The following CNTLN variants were observed in gnomAD, a reference collection of about 807,000 sequenced individuals.
CNTLN encodes centlein, centrosomal protein.
Under a neutral mutation model 180.0 loss-of-function variants are expected in CNTLN, and 212 were observed. The ratio of observed to expected loss-of-function variants is 1.18; its 90% confidence interval spans 1.05 to 1.32. The LOEUF is 1.32. CNTLN is among the 40% of genes most tolerant of loss of function. The probability of loss-of-function intolerance (pLI) is 0.00; values close to 1 mark genes in which losing one functional copy is unlikely to be tolerated. For missense variants in CNTLN, 2,095 were observed against 1,610.9 expected (o/e 1.30, Z -5.14); for synonymous variants, 722 against 563.1 (o/e 1.28, Z -3.99).
intron 5 of CNTLN, among the ~76,000 whole-genome samples, chr9:17,267,486 T>G (rs1190060748): frequency 6.6e-6 from 1 of 152,130 alleles, no homozygotes; most frequent in Non-Finnish European, 1.5e-5. Flanking sequence ...TTCCTTCATT[T>G]CAACTTTGGT....
chr9:17,260,567 A>G (rs1163018708), intron 5 of CNTLN, among the ~76,000 whole-genome samples: 3 of 151,218 alleles, frequency 2.0e-5, no homozygotes, highest in African/African-American at 7.4e-5. Context: ...TTAAACCTGG[A>G]TGTTAGAACC....
chr9:17,346,701 GA>G (rs2133252306), intron 12 of CNTLN, among the ~76,000 whole-genome samples: 1 of 152,160 alleles, frequency 6.6e-6, no homozygotes, highest in African/African-American at 2.4e-5. Flanking sequence ...TCTTGGCATG[GA>G]TTTGTTTGGG....
chr9:17,487,304 A>G, intron 25 of CNTLN: 1 of 467,666 alleles, frequency 2.1e-6, no homozygotes, highest in Non-Finnish European at 3.8e-6. Context: ...CATTAATTAA[A>G]TTATTGAGTC....
intron 23 of CNTLN, among the ~76,000 whole-genome samples, chr9:17,477,549 T>A (rs1479919903): frequency 6.6e-6 from 1 of 152,158 alleles, no homozygotes; most frequent in Non-Finnish European, 1.5e-5. Context: ...TTTGGAGAAG[T>A]TTGTTCCAAC....
At chr9:17,159,264 A>G (rs1244484947) in intron 2 of CNTLN, among the ~76,000 whole-genome samples, 3 of 152,206 alleles carry the variant, frequency 2.0e-5, no homozygotes, top group Non-Finnish European at 4.4e-5. Context: ...TGTGTTGCAA[A>G]TAAAGTCAGT....
At chr9:17,354,422 G>A (rs1318084168) in intron 12 of CNTLN, among the ~76,000 whole-genome samples, 3 of 152,126 alleles carry the variant, frequency 2.0e-5, no homozygotes, top group African/African-American at 7.2e-5. Context: ...GGCCTTGGAG[G>A]ACCTTTATGT....
At chr9:17,175,607 A>C (rs575555044) in intron 2 of CNTLN, among the ~76,000 whole-genome samples, 1 of 152,050 alleles carries the variant, frequency 6.6e-6, no homozygotes, top group Admixed American at 6.5e-5. Context: ...TCCTTTTCAA[A>C]ATTGTTTTAG....
intron 10 of CNTLN, among the ~76,000 whole-genome samples, chr9:17,333,029 T>C (rs1198385992): frequency 6.6e-6 from 1 of 152,142 alleles, no homozygotes; most frequent in East Asian, 1.9e-4. Flanking sequence ...AATAGAATTG[T>C]AGCAAGTGAA....
chr9:17,283,523 A>C (rs1165280139), intron 6 of CNTLN, among the ~76,000 whole-genome samples: 3 of 152,140 alleles, frequency 2.0e-5, no homozygotes, highest in Non-Finnish European at 4.4e-5. Flanking sequence ...TTCTAGATAT[A>C]GAATCATGTC....
At chr9:17,493,914 A>T (rs1266162253) in intron 25 of CNTLN, among the ~76,000 whole-genome samples, 1 of 152,182 alleles carries the variant, frequency 6.6e-6, no homozygotes, top group Non-Finnish European at 1.5e-5. Flanking sequence ...TAGTCAGAAG[A>T]CCTGGGGTTG....
intron 25 of CNTLN, among the ~76,000 whole-genome samples, chr9:17,496,281 A>G (rs890155147): frequency 6.6e-6 from 1 of 152,200 alleles, no homozygotes; most frequent in Non-Finnish European, 1.5e-5. Context: ...GTTATCACAG[A>G]ATACCATAGA....
chr9:17,178,554 A>C (rs1302852079), intron 2 of CNTLN, among the ~76,000 whole-genome samples: 1 of 152,028 alleles, frequency 6.6e-6, no homozygotes, highest in Non-Finnish European at 1.5e-5. Context: ...GGCGAATTGC[A>C]GGTCTGGAGC....
chr9:17,505,141 T>TAA (rs144010271), downstream of CNTLN, among the ~76,000 whole-genome samples: 14 of 92,942 alleles, frequency 1.5e-4, no homozygotes, highest in South Asian at 3.5e-4. Flanking sequence ...CTCATTTATT[T>TAA]TAAAAAAAAC....
chr9:17,481,611 T>A (rs1423967417), intron 23 of CNTLN, among the ~76,000 whole-genome samples: 1 of 151,484 alleles, frequency 6.6e-6, no homozygotes, highest in Non-Finnish European at 1.5e-5. Context: ...GAGCAAGGAG[T>A]CCAACCAGCA....
chr9:17,294,379 T>C (rs1206561410), intron 6 of CNTLN, among the ~76,000 whole-genome samples: 1 of 151,624 alleles, frequency 6.6e-6, no homozygotes, highest in Non-Finnish European at 1.5e-5. Context: ...GACAGGGTGC[T>C]GATTGGTGCG....
At chr9:17,412,925 T>C (rs886957556) in intron 16 of CNTLN, among the ~76,000 whole-genome samples, 4 of 152,114 alleles carry the variant, frequency 2.6e-5, no homozygotes, top group Non-Finnish European at 4.4e-5. Flanking sequence ...AATTAGAAAG[T>C]CTCAGCAAAT....
chr9:17,266,332 A>T (rs1019834567), intron 5 of CNTLN, among the ~76,000 whole-genome samples: 2 of 152,120 alleles, frequency 1.3e-5, no homozygotes, highest in Admixed American at 6.5e-5. Context: ...TTGAGTTTCC[A>T]TGTAGTTGAG....
intron 18 of CNTLN, 34 bp from the exon 19 acceptor site, chr9:17,457,490 A>G: frequency 8.8e-7 from 1 of 1,137,332 alleles, no homozygotes; most frequent in Non-Finnish European, 1.2e-6. Flanking sequence ...CTTTTAAAAT[A>G]TATTTATATT....
At chr9:17,386,410 T>C (rs1333563921) in intron 13 of CNTLN, among the ~76,000 whole-genome samples, 1 of 152,126 alleles carries the variant, frequency 6.6e-6, no homozygotes, top group Admixed American at 6.5e-5. Context: ...CATTTAAAAC[T>C]AAAATATCAA....
Sources: gnomAD v4.1 joint callset for allele counts (sites outside exome capture counted in the v4.1 genomes callset) on GRCh38, gnomAD v4.1.1 for gene constraint, MANE v1.5 for transcripts, NCBI Gene and HGNC (gene_info 2026-07-23, HGNC 2026-07-21) for gene names.